The following KCNB2 variants were observed in gnomAD, a reference collection of about 807,000 sequenced individuals.
KCNB2 encodes the protein potassium voltage-gated channel subfamily B member 2, also known as delayed rectifier potassium channel protein.
In KCNB2, 15 loss-of-function variants were observed where a neutral mutation model predicts 61.5. The observed-to-expected ratio is 0.24, with a 90% CI of 0.16 to 0.38. The LOEUF (loss-of-function observed/expected upper bound fraction) is 0.38. Ranked by LOEUF, KCNB2 falls within the 10% of genes least tolerant of loss-of-function variation. The pLI is 1.00. For synonymous variants in KCNB2, 457 were observed against 446.0 expected (o/e 1.02, Z -0.31); for missense variants, 828 against 1,125.2 (o/e 0.74, Z 3.78).
chr8:72,896,913 C>T (rs1011262008), intron 2 of KCNB2, among the ~76,000 whole-genome samples: 1 of 152,054 alleles, frequency 6.6e-6, no homozygotes, highest in Non-Finnish European at 1.5e-5. Context: ...TATCTATGTA[C>T]CCCAAAAGAG....
intron 2 of KCNB2, among the ~76,000 whole-genome samples, chr8:72,583,968 AAC>A (rs1806956138): frequency 6.6e-6 from 1 of 150,664 alleles, no homozygotes; most frequent in African/African-American, 2.4e-5. Context: ...AAAAAAAACA[AAC>A]AAAACCCAAA....
chr8:72,933,476 G>A (rs2129009179), intron 2 of KCNB2, among the ~76,000 whole-genome samples: 1 of 152,302 alleles, frequency 6.6e-6, no homozygotes, highest in East Asian at 1.9e-4. Context: ...CAAATGAACA[G>A]ATTAGATATA....
At chr8:72,710,357 A>G (rs750103694) in intron 2 of KCNB2, among the ~76,000 whole-genome samples, 3 of 152,150 alleles carry the variant, frequency 2.0e-5, no homozygotes, top group Non-Finnish European at 4.4e-5. Context: ...AAATCATATA[A>G]TAATCCCCAA....
chr8:72,747,006 G>T (rs1808083979), intron 2 of KCNB2, among the ~76,000 whole-genome samples: 1 of 152,102 alleles, frequency 6.6e-6, no homozygotes, highest in Non-Finnish European at 1.5e-5. Context: ...GTTTTAAAAG[G>T]GTACCTGGGA....
intron 2 of KCNB2, among the ~76,000 whole-genome samples, chr8:72,596,554 A>G (rs1181197695): frequency 2.0e-5 from 3 of 152,220 alleles, no homozygotes; most frequent in Non-Finnish European, 4.4e-5. Flanking sequence ...CATGCCCATC[A>G]TTGTTACATA....
intron 2 of KCNB2, among the ~76,000 whole-genome samples, chr8:72,791,265 TG>T (rs1468021141): frequency 1.3e-5 from 2 of 152,110 alleles, no homozygotes; most frequent in African/African-American, 4.8e-5. Context: ...AAAGAATGCT[TG>T]GGGCTGGGTG....
intron 1 of KCNB2, among the ~76,000 whole-genome samples, chr8:72,561,232 T>C (rs1585751822): frequency 1.3e-5 from 2 of 151,648 alleles, no homozygotes; most frequent in African/African-American, 4.8e-5. Context: ...TCTCGGCTCA[T>C]TGCAACCTCT....
intron 2 of KCNB2, among the ~76,000 whole-genome samples, chr8:72,798,239 T>C (rs1225345398): frequency 6.6e-6 from 1 of 152,196 alleles, no homozygotes; most frequent in Admixed American, 6.5e-5. Flanking sequence ...TTTCCTGTTA[T>C]GTTTTAAGAC....
intron 2 of KCNB2, among the ~76,000 whole-genome samples, chr8:72,862,464 C>A (rs1805435066): frequency 6.6e-6 from 1 of 151,950 alleles, no homozygotes; most frequent in Non-Finnish European, 1.5e-5. Context: ...CTAAGAATTA[C>A]AAAATTTTTA....
chr8:72,549,140 A>C (rs1806306311), intron 1 of KCNB2, among the ~76,000 whole-genome samples: 1 of 152,048 alleles, frequency 6.6e-6, no homozygotes, highest in African/African-American at 2.4e-5. Flanking sequence ...TTTTTTTCTG[A>C]AGTTATAGAC....
Position 72,938,170 on chromosome 8 carries a change from G to T in KCNB2, c.*79G>T. 1 of 1,192,548 alleles carries T rather than the reference G, an allele frequency of 8.4e-7. No individual in the cohort carries two copies. The allele number at this position is 1,192,548 out of a possible 1,614,324, so 73.9% of individuals were successfully genotyped here. A position where few individuals can be genotyped will look rare whatever the true frequency, so the allele number is the denominator to read the frequency against. ...CTTAAAAATGCGGTTAATAATGCCT[G>T]TGAACTAAAAAAATGGGAAGCCCTC... On this transcript the variant is annotated 3_prime_UTR_variant, in exon 3 of 3. Transcript: ENST00000523207.
intron 2 of KCNB2, among the ~76,000 whole-genome samples, chr8:72,628,400 GGTGT>G (rs1160601490): frequency 0.014 from 666 of 47,378 alleles, 6 homozygotes; most frequent in African/African-American, 0.033. Flanking sequence ...CCTGTTAGGG[GGTGT>G]GTGTGTGTGT....
chr8:72,812,339 A>G (rs1191760549), intron 2 of KCNB2, among the ~76,000 whole-genome samples: 1 of 151,722 alleles, frequency 6.6e-6, no homozygotes, highest in African/African-American at 2.4e-5. Flanking sequence ...TAAAAATAGT[A>G]CCAGATTTAC....
chr8:72,643,222 G>A (rs765299866), intron 2 of KCNB2, among the ~76,000 whole-genome samples: 2 of 152,126 alleles, frequency 1.3e-5, no homozygotes, highest in African/African-American at 2.4e-5. Flanking sequence ...TGGAAAGAAG[G>A]GTGGAAAGAA....
chr8:72,678,461 G>A (rs1200975039), intron 2 of KCNB2, among the ~76,000 whole-genome samples: 1 of 141,636 alleles, frequency 7.1e-6, no homozygotes, highest in Admixed American at 6.7e-5. Flanking sequence ...CCCCACCCCC[G>A]ACCTCCGCCC....
rs1253662073 is a variant in KCNB2, at chr8:72,937,868, C to T, written c.2513C>T (p.Pro838Leu). Residue 838 changes from proline to leucine, a missense_variant, in exon 3 of 3, where the codon CCT (proline) becomes CTT (leucine). This residue lies in a region of KCNB2 where 559 missense variants were observed against 588.4 expected (regional missense o/e 0.95). Coordinates refer to ENST00000523207, the MANE Select transcript of KCNB2 (RefSeq NM_004770.3). ...AGCCCAAATTGCTTTGCAGATAAGC[C>T]TAGTGATGGGAGAGACCCTTTAAGA... ...DSSPNCFADKPSDGRDPLREE... is the reference protein window; with the variant it reads ...DSSPNCFADKLSDGRDPLREE... 6.2e-7 allele frequency: 1 copy of T among 1,613,968 alleles called. No individual in the cohort carries two copies. The highest frequency in any genetic ancestry group is 2.2e-5 in the East Asian group (1 of 44,870).
At chr8:72,606,068 A>G (rs1433280752) in intron 2 of KCNB2, among the ~76,000 whole-genome samples, 1 of 152,220 alleles carries the variant, frequency 6.6e-6, no homozygotes, top group African/African-American at 2.4e-5. Context: ...GCTGGTGAGT[A>G]TACAGAATAT....
chr8:72,704,819 T>C lies in KCNB2; in HGVS notation c.579+136506T>C, dbSNP rs189828437. Among the ~76,000 whole-genome samples, 573 of 152,258 alleles carry C rather than the reference T, an allele frequency of 3.8e-3. 4 individuals are homozygous for C. Among genetic ancestry groups the C allele is most frequent in the African/African-American group, 0.013 (550 of 41,546 alleles). On this transcript the variant is annotated intron_variant, in intron 2 of 2. Transcript: ENST00000523207. ...AAAATCTGCAGATGCTCAAGTCCCTTATATGAAACAGCATAGTATTTGCAT... is the reference window on the plus strand; with the variant it reads ...AAAATCTGCAGATGCTCAAGTCCCTCATATGAAACAGCATAGTATTTGCAT...
intron 2 of KCNB2, among the ~76,000 whole-genome samples, chr8:72,771,357 T>A (rs1021353263): frequency 1.3e-5 from 2 of 152,228 alleles, no homozygotes; most frequent in African/African-American, 4.8e-5. Flanking sequence ...GATTTCCTTT[T>A]TATATATTTT....
Sources: gnomAD v4.1 joint callset for allele counts (sites outside exome capture counted in the v4.1 genomes callset) on GRCh38, gnomAD v4.1.1 for gene constraint, gnomAD v4.1.1 regional missense constraint, MANE v1.5 for transcripts, NCBI Gene and HGNC (gene_info 2026-07-23, HGNC 2026-07-21) for gene names.